Variants in MIGA1 observed in about 807,000 individuals in gnomAD.
The protein encoded by MIGA1 is family with sequence similarity 73, member A.
In MIGA1, 58 loss-of-function variants were observed where a neutral mutation model predicts 82.0. The observed-to-expected ratio is 0.71, with a 90% confidence interval of 0.57 to 0.88. The LOEUF is 0.88. Ranked by LOEUF, MIGA1 falls within the 40% of genes least tolerant of loss-of-function variation. The probability of loss-of-function intolerance (pLI) is 0.00; values close to 1 mark genes in which losing one functional copy is unlikely to be tolerated. For missense variants in MIGA1, 751 were observed against 749.1 expected, an observed-to-expected ratio of 1.00 and a Z score of -0.03; for synonymous variants, 249 against 253.6, an observed-to-expected ratio of 0.98 and a Z score of 0.17.
rs1176829283 is a variant in MIGA1 at position 77,816,358 on chromosome 1, T to G, written c.895+1127T>G. 2.0e-5 allele frequency among the ~76,000 whole-genome samples: 3 copies of G among 152,220 alleles called. No homozygotes were observed. In the South Asian group the frequency reaches 6.2e-4, roughly 31 times the overall value. Reference sequence around the variant, plus strand: ...AGACAAAATTACATGGTTTTTTTGGTCAAAAATAATTTAAGTCTTTTTTAG... The same window carrying G: ...AGACAAAATTACATGGTTTTTTTGGGCAAAAATAATTTAAGTCTTTTTTAG... On this transcript the variant is annotated intron_variant, in intron 7 of 15. Transcript: ENST00000370791.
chr1:77,834,067 C>G (rs1684339508), intron 7 of MIGA1, among the ~76,000 whole-genome samples: 1 of 152,344 alleles, frequency 6.6e-6, no homozygotes, highest in Non-Finnish European at 1.5e-5. Context: ...TTTGTACATA[C>G]ATTATTTCAC....
intron 7 of MIGA1, among the ~76,000 whole-genome samples, chr1:77,829,039 A>G (rs1050367430): frequency 2.6e-5 from 4 of 152,034 alleles, no homozygotes; most frequent in East Asian, 1.9e-4. Flanking sequence ...TGTGCTTTCT[A>G]TGTATTGTTT....
chr1:77,831,892 A>C (rs1684258775), intron 7 of MIGA1, among the ~76,000 whole-genome samples: 1 of 152,204 alleles, frequency 6.6e-6, no homozygotes, highest in Non-Finnish European at 1.5e-5. Context: ...CAAAAAAGTA[A>C]ACCCGATTAA....
At chr1:77,859,534 C>T (rs911939815) in intron 10 of MIGA1, 148 bp downstream of exon 10, 4 of 575,518 alleles carry the variant, frequency 7.0e-6, no homozygotes, top group Admixed American at 2.8e-5. Flanking sequence ...CTTATTTTTC[C>T]TCCCTGCTAC....
At chr1:77,818,173 G>A (rs1023678723) in intron 7 of MIGA1, among the ~76,000 whole-genome samples, 9 of 151,044 alleles carry the variant, frequency 6.0e-5, no homozygotes, top group Non-Finnish European at 1.2e-4. Flanking sequence ...GCCCAGGCTG[G>A]AGAGCAATGG....
At chr1:77,848,073 G>A (rs764303757) in intron 8 of MIGA1, 65 of 1,295,422 alleles carry the variant, frequency 5.0e-5, no homozygotes, top group Non-Finnish European at 6.1e-5. Context: ...GAGAGGACAC[G>A]AGAAAAGGGA....
chr1:77,847,209 T>A, intron 8 of MIGA1: 1 of 1,223,684 alleles, frequency 8.2e-7, no homozygotes, highest in Non-Finnish European at 1.2e-6. Flanking sequence ...ATGATTCTGA[T>A]GATGATGATG....
intron 7 of MIGA1, among the ~76,000 whole-genome samples, chr1:77,816,087 G>C (rs1384661537): frequency 1.3e-5 from 2 of 152,134 alleles, no homozygotes; most frequent in Non-Finnish European, 2.9e-5. Context: ...GGGATTACAG[G>C]CATGTGCCAC....
At chr1:77,798,159 C>T (rs1682735396) in intron 2 of MIGA1, among the ~76,000 whole-genome samples, 1 of 152,114 alleles carries the variant, frequency 6.6e-6, no homozygotes, top group South Asian at 2.1e-4. Context: ...AACTTGGTGA[C>T]TTACAACAAT....
At chr1:77,805,612 C>A (rs923645326) in intron 4 of MIGA1, among the ~76,000 whole-genome samples, 1 of 150,840 alleles carries the variant, frequency 6.6e-6, no homozygotes, top group Non-Finnish European at 1.5e-5. Flanking sequence ...TCACTGCAAC[C>A]TCCATCTCCC....
rs528505837 is a variant in MIGA1, at chr1:77,812,755, A to AT, written c.638-970dup. Among the ~76,000 whole-genome samples the AT allele has an allele frequency of 4.0e-5, 6 of 150,692 alleles. No individual in the cohort carries two copies. In the East Asian group the frequency reaches 7.8e-4, roughly 20 times the overall value. On this transcript the variant is annotated intron_variant, in intron 5 of 15. Transcript: ENST00000370791. ...TTTGGAGAAAAGGAATCACATGTTC[A>AT]TTTTTTTTTCACACAAAGCTTTCTC...
Position 77,793,762 on chromosome 1 carries a change from G to T in MIGA1, c.196-7569G>T, listed in dbSNP as rs543717450. Among the ~76,000 whole-genome samples the T allele has an allele frequency of 1.8e-4, 27 of 150,162 alleles. 1 individual carries two copies. In the South Asian group the frequency reaches 5.5e-3, roughly 31 times the overall value. ...TTACAGGCGTGAACCACTGTGCCTGGCTGCTTTACTAAAATTTTATCTTTT... is the reference window on the plus strand; with the variant it reads ...TTACAGGCGTGAACCACTGTGCCTGTCTGCTTTACTAAAATTTTATCTTTT... On this transcript the variant is annotated intron_variant, in intron 2 of 15. Transcript: ENST00000370791.
intron 2 of MIGA1, among the ~76,000 whole-genome samples, chr1:77,797,349 C>G (rs1179431040): frequency 6.6e-6 from 1 of 152,174 alleles, no homozygotes; most frequent in Non-Finnish European, 1.5e-5. Flanking sequence ...TGCAGGCTGT[C>G]TATTCTACTG....
chr1:77,811,506 C>G, intron 5 of MIGA1: 1 of 1,568,218 alleles, frequency 6.4e-7, no homozygotes, highest in Non-Finnish European at 8.8e-7. Context: ...GTTCTAGCTT[C>G]TTCAGGTCCT....
At chr1:77,790,485 C>G (rs936722689) in intron 2 of MIGA1, among the ~76,000 whole-genome samples, 24 of 152,022 alleles carry the variant, frequency 1.6e-4, no homozygotes. Flanking sequence ...CCAGGATGGT[C>G]TTGATCTCCT....
Position 77,803,361 on chromosome 1 carries a change from A to G in MIGA1, c.465A>G (p.Gly155=). The change falls in exon 4 of 16, where the codon GGA becomes GGG. Residue 155 remains glycine (G), a synonymous_variant. Coordinates refer to ENST00000370791, the MANE Select transcript of MIGA1 (RefSeq NM_198549.4). ...CTCAAGTTTGTAACTATGCTAATGG[A>G]GGACTTTTCAGTAAATATTCAGGTT... The G allele has an allele frequency of 3.2e-6, 5 of 1,565,872 alleles. No individual in the cohort carries two copies. The highest frequency in any genetic ancestry group is 4.3e-6 in the Non-Finnish European group (5 of 1,153,812).
intron 2 of MIGA1, among the ~76,000 whole-genome samples, chr1:77,792,604 TACTC>T (rs1018848536): frequency 1.7e-4 from 26 of 152,198 alleles, no homozygotes; most frequent in African/African-American, 6.0e-4. Context: ...AAAGCTGAAA[TACTC>T]AGTTACACTA....
chr1:77,818,613 G>A (rs925646340), intron 7 of MIGA1, among the ~76,000 whole-genome samples: 1 of 152,086 alleles, frequency 6.6e-6, no homozygotes. Context: ...TTAGATGATG[G>A]CTAAGAAGTC....
At chr1:77,820,434 G>A (rs1304755760) in intron 7 of MIGA1, among the ~76,000 whole-genome samples, 4 of 152,136 alleles carry the variant, frequency 2.6e-5, no homozygotes, top group Non-Finnish European at 2.9e-5. Flanking sequence ...TATAAAACCT[G>A]TCTAAGCCTT....
Sources: allele counts gnomAD v4.1 joint callset (sites outside exome capture counted in the v4.1 genomes callset), GRCh38; gene constraint gnomAD v4.1.1; transcripts MANE v1.5; gene names NCBI Gene and HGNC (gene_info 2026-07-23, HGNC 2026-07-21).